The following CD226 variants were observed in gnomAD, a reference collection of about 807,000 sequenced individuals.
CD226 encodes the protein CD226 antigen.
In CD226, 24 loss-of-function variants were observed where a neutral mutation model predicts 34.9. The ratio of observed to expected loss-of-function variants is 0.69; its 90% CI spans 0.50 to 0.97. The LOEUF (loss-of-function observed/expected upper bound fraction) is 0.97, where lower values mean the gene tolerates loss of function less well. Ranked by LOEUF, CD226 falls within the 50% of genes least tolerant of loss-of-function variation. The pLI is 0.00. For missense variants in CD226, 397 were observed against 412.7 expected, an observed-to-expected ratio of 0.96 and a Z score of 0.33; for synonymous variants, 148 against 147.4, an observed-to-expected ratio of 1.00 and a Z score of -0.03.
intron 2 of CD226, among the ~76,000 whole-genome samples, chr18:69,913,031 C>T (rs940979928): frequency 2.0e-5 from 3 of 152,186 alleles, no homozygotes; most frequent in Admixed American, 1.3e-4. Flanking sequence ...ATCTAAATGA[C>T]ACTCTGCTTA....
rs1982656677 is a variant in CD226 at position 69,857,891 on chromosome 18, A to G, written c.*6423T>C. The G allele has an allele frequency of 1.3e-5, 2 of 152,224 alleles. No individual in the cohort carries two copies. The highest frequency in any genetic ancestry group is 1.3e-4 in the Admixed American group (2 of 15,290). The allele number at this position is 152,224 out of a possible 1,614,324, so 9.4% of individuals were successfully genotyped here. On this transcript the variant is annotated 3_prime_UTR_variant, in exon 6 of 6. Coordinates refer to ENST00000582621, the MANE Select transcript of CD226 (RefSeq NM_001303618.2). ...TTACAAGTTTTCCATTTAAAAATGG[A>G]CAAAAATCAACTTCTTACTTGAAAT...
intron 3 of CD226, among the ~76,000 whole-genome samples, chr18:69,877,327 G>A (rs1983938406): frequency 1.3e-5 from 2 of 152,196 alleles, no homozygotes; most frequent in African/African-American, 4.8e-5. Flanking sequence ...GAGATTGGTA[G>A]GGTGAGGCAT....
chr18:69,900,727 A>G (rs2055170837), intron 2 of CD226, among the ~76,000 whole-genome samples: 1 of 138,824 alleles, frequency 7.2e-6, no homozygotes, highest in Non-Finnish European at 1.5e-5. Flanking sequence ...CGACAGAGCG[A>G]GACTCCGTCT....
intron 3 of CD226, among the ~76,000 whole-genome samples, chr18:69,885,591 A>G (rs1984512116): frequency 6.6e-6 from 1 of 152,172 alleles, no homozygotes; most frequent in Non-Finnish European, 1.5e-5. Context: ...CCATGAGAAC[A>G]GGTGCTTTGT....
chr18:69,880,330 GAGAAAGAA>G lies in CD226; in HGVS notation c.728-7092_728-7085del, dbSNP rs74175399. 7.5e-3 allele frequency among the ~76,000 whole-genome samples: 1,015 copies of G among 134,914 alleles called. 13 individuals are homozygous for G. Among genetic ancestry groups the G allele is most frequent in the African/African-American group, 0.023 (808 of 34,992 alleles). 88.5% of individuals were successfully genotyped at this position (134,914 alleles called of 152,430 possible). ...AGAAAGAAAGAAAGAAAAAGAAAGA[GAGAAAGAA>G]AGAAAGAAAGAAAGAAAGAAAGGAA... On this transcript the variant is annotated intron_variant, in intron 3 of 5. Transcript: ENST00000582621.
At chr18:69,939,425 G>A (rs1455969621) in intron 2 of CD226, among the ~76,000 whole-genome samples, 1 of 152,220 alleles carries the variant, frequency 6.6e-6, no homozygotes, top group African/African-American at 2.4e-5. Flanking sequence ...CCATGTCGGT[G>A]AGCAAGTGAT....
At chr18:69,897,691 G>A (rs1290253319) in intron 2 of CD226, among the ~76,000 whole-genome samples, 1 of 151,546 alleles carries the variant, frequency 6.6e-6, no homozygotes, top group Non-Finnish European at 1.5e-5. Flanking sequence ...AAAGGAGGGA[G>A]GAAGAAAAAA....
chr18:69,864,250 T>C lies in CD226; in HGVS notation c.*64A>G. 6.5e-7 allele frequency: 1 copy of C among 1,545,716 alleles called. No homozygotes were observed. Among genetic ancestry groups the C allele is most frequent in the African/African-American group, 1.4e-5 (1 of 73,436 alleles). On this transcript the variant is annotated 3_prime_UTR_variant, in exon 6 of 6. Transcript: ENST00000582621. ...TAGACCTTGGGTAGTGGAAAAAAATTGCATAAAGATCCATGCATGAGTACA... is the reference window on the plus strand; with the variant it reads ...TAGACCTTGGGTAGTGGAAAAAAATCGCATAAAGATCCATGCATGAGTACA...
intron 2 of CD226, among the ~76,000 whole-genome samples, chr18:69,904,985 T>C (rs1341298992): frequency 6.6e-6 from 1 of 152,232 alleles, no homozygotes; most frequent in Non-Finnish European, 1.5e-5. Flanking sequence ...AAAAATATTT[T>C]CAGTATATTT....
chr18:69,862,862 T>C lies in CD226; in HGVS notation c.*1452A>G, dbSNP rs1982897431. The C allele has an allele frequency of 6.6e-6, 1 of 152,212 alleles. No homozygotes were observed. Among genetic ancestry groups the C allele is most frequent in the Non-Finnish European group, 1.5e-5 (1 of 68,020 alleles). The allele number at this position is 152,212 out of a possible 1,614,324, so 9.4% of individuals were successfully genotyped here. A position where few individuals can be genotyped will look rare whatever the true frequency, so the allele number is the denominator to read the frequency against. ...ATTTAAATACAGCCTTCATAATGAATCTTTTCTAGATGGTGGTCTTTAGAA... is the reference window on the plus strand; with the variant it reads ...ATTTAAATACAGCCTTCATAATGAACCTTTTCTAGATGGTGGTCTTTAGAA... On this transcript the variant is annotated 3_prime_UTR_variant, in exon 6 of 6. Transcript: ENST00000582621.
At chr18:69,957,713 C>T (rs987276572), upstream of CD226, among the ~76,000 whole-genome samples, 3 of 152,116 alleles carry the variant, frequency 2.0e-5, no homozygotes, top group Non-Finnish European at 4.4e-5. Flanking sequence ...ACCGCATATA[C>T]GAAAGCAAGG....
At chr18:69,924,877 GA>G (rs925696682) in intron 2 of CD226, among the ~76,000 whole-genome samples, 7 of 152,046 alleles carry the variant, frequency 4.6e-5, no homozygotes, top group African/African-American at 1.7e-4. Flanking sequence ...CATGGCATTT[GA>G]AAACAACATA....
At chr18:69,940,108 G>A (rs373462526) in intron 2 of CD226, among the ~76,000 whole-genome samples, 1 of 152,084 alleles carries the variant, frequency 6.6e-6, no homozygotes, top group East Asian at 1.9e-4. Flanking sequence ...GGTTTTATAA[G>A]GGGCTTCCCC....
chr18:69,910,187 A>T (rs1247711363), intron 2 of CD226, among the ~76,000 whole-genome samples: 1 of 152,206 alleles, frequency 6.6e-6, no homozygotes, highest in Non-Finnish European at 1.5e-5. Flanking sequence ...CTAAAGAAGG[A>T]GGCAGCCCTG....
chr18:69,904,069 A>G lies in CD226; in HGVS notation c.383-8024T>C, dbSNP rs538491064. Among the ~76,000 whole-genome samples the G allele has an allele frequency of 9.8e-5, 15 of 152,310 alleles. No homozygotes were observed. In the South Asian group the frequency reaches 2.7e-3, roughly 27 times the overall value. On this transcript the variant is annotated intron_variant, in intron 2 of 5. Transcript: ENST00000582621. ...CTAAAGTGCAGATAAAAGGTAAAGGACCAAACAAGATAAAAAATAAGCTAA... is the reference window on the plus strand; with the variant it reads ...CTAAAGTGCAGATAAAAGGTAAAGGGCCAAACAAGATAAAAAATAAGCTAA...
chr18:69,890,202 C>A (rs1984808048), intron 3 of CD226, among the ~76,000 whole-genome samples: 2 of 152,296 alleles, frequency 1.3e-5, no homozygotes, highest in South Asian at 4.1e-4. Flanking sequence ...CGGTCAAGAA[C>A]ACTTACTGGG....
In CD226 at chr18:69,857,271, G is replaced by T. The variant is rs1329043389; in HGVS notation, c.*7043C>A. On this transcript the variant is annotated 3_prime_UTR_variant, in exon 6 of 6. Transcript: ENST00000582621. ...AATCTCTATCTCTAGAAGCTACTGA[G>T]CCATTACATTTCTTTGTACATTTTT... 1.3e-5 allele frequency: 2 copies of T among 152,204 alleles called. No individual in the cohort carries two copies. Among genetic ancestry groups the T allele is most frequent in the Non-Finnish European group, 2.9e-5 (2 of 68,032 alleles). 9.4% of individuals were successfully genotyped at this position (152,204 alleles called of 1,614,324 possible).
chr18:69,885,449 AGAG>A (rs1984502062), intron 3 of CD226, among the ~76,000 whole-genome samples: 1 of 152,166 alleles, frequency 6.6e-6, no homozygotes, highest in South Asian at 2.1e-4. Flanking sequence ...TTTGACAGGA[AGAG>A]AAGAAGGGAG....
intron 2 of CD226, among the ~76,000 whole-genome samples, chr18:69,897,035 C>T (rs191410202): frequency 2.0e-5 from 3 of 152,238 alleles, no homozygotes; most frequent in African/African-American, 7.2e-5. Flanking sequence ...ATCTCTGTGT[C>T]CCTTTAGGGG....
Sources: gnomAD v4.1 joint callset for allele counts (sites outside exome capture counted in the v4.1 genomes callset) on GRCh38, gnomAD v4.1.1 for gene constraint, MANE v1.5 for transcripts, NCBI Gene and HGNC (gene_info 2026-07-23, HGNC 2026-07-21) for gene names.